Variants in CNTNAP4 observed in about 807,000 individuals in gnomAD.
The protein encoded by CNTNAP4 is contactin-associated protein-like 4.
CNTNAP4 carries 98 observed loss-of-function variants against 148.4 expected under a neutral mutation model. That is an observed-to-expected ratio of 0.66 (90% CI 0.56 to 0.78). CNTNAP4 has a LOEUF of 0.78. CNTNAP4 is among the 30% of genes least tolerant of loss of function. The probability of loss-of-function intolerance (pLI) is 0.00; values close to 1 mark genes in which losing one functional copy is unlikely to be tolerated. For missense variants in CNTNAP4, 1,935 were observed against 1,565.6 expected (o/e 1.24, Z -3.98); for synonymous variants, 730 against 565.1 (o/e 1.29, Z -4.14).
chr16:76,518,834 C>G (rs979768569), intron 15 of CNTNAP4, among the ~76,000 whole-genome samples: 9 of 152,158 alleles, frequency 5.9e-5, no homozygotes, highest in Non-Finnish European at 1.2e-4. Flanking sequence ...TGCCCAATCT[C>G]TCTTCCTCTT....
chr16:76,460,773 A>AATATATATATATATATATAT (rs150425968), intron 8 of CNTNAP4, among the ~76,000 whole-genome samples: 38 of 57,264 alleles, frequency 6.6e-4, no homozygotes, highest in South Asian at 1.2e-3. Context: ...AAAAAAAAAA[A>AATATATATATATATATATAT]ATATATATAT....
At position 76,342,024 on chromosome 16, in the gene CNTNAP4, G is replaced by A. The variant is rs184545024; in HGVS notation, c.197-13294G>A. Among the ~76,000 whole-genome samples the A allele has an allele frequency of 7.1e-4, 108 of 152,258 alleles. 2 individuals carry two copies. In the East Asian group the frequency reaches 0.019, roughly 26 times the overall value. On this transcript the variant is annotated intron_variant, in intron 2 of 23. Coordinates refer to ENST00000611870, the MANE Select transcript of CNTNAP4 (RefSeq NM_033401.5). ...GTTTTCTCTCAGTTCATTTATTGACGTAGAAGGATATTCTACAGATGCAGT... is the reference window on the plus strand; with the variant it reads ...GTTTTCTCTCAGTTCATTTATTGACATAGAAGGATATTCTACAGATGCAGT...
chr16:76,339,710 C>A (rs76673702), intron 2 of CNTNAP4, among the ~76,000 whole-genome samples: 1 of 152,286 alleles, frequency 6.6e-6, no homozygotes, highest in East Asian at 1.9e-4. Context: ...AATTTATTTC[C>A]ATTTCTCTGA....
chr16:76,314,150 T>A (rs8063374), intron 1 of CNTNAP4, among the ~76,000 whole-genome samples: 1 of 152,178 alleles, frequency 6.6e-6, no homozygotes, highest in Non-Finnish European at 1.5e-5. Flanking sequence ...TATGTATGTA[T>A]ACACATTGAT....
At chr16:76,483,772 G>C (rs377153999) in intron 12 of CNTNAP4, among the ~76,000 whole-genome samples, 1 of 152,270 alleles carries the variant, frequency 6.6e-6, no homozygotes, top group East Asian at 1.9e-4. Context: ...AGCTCTAACG[G>C]GGTATGTGAA....
rs1302548613 is a variant in CNTNAP4 at position 76,501,881 on chromosome 16, T to TA, written c.2365+3190dup. ...GTCAGGAGATCGAGACCATCCCGGC[T>TA]AAACGGTGAAACCCCGTCTCTACTA... On this transcript the variant is annotated intron_variant, in intron 15 of 23. Coordinates refer to ENST00000611870, the MANE Select transcript of CNTNAP4 (RefSeq NM_033401.5). Among the ~76,000 whole-genome samples, 474 of 151,994 alleles carry TA rather than the reference T, an allele frequency of 3.1e-3. 2 individuals carry two copies. The highest frequency in any genetic ancestry group is 0.011 in the African/African-American group (455 of 41,394).
chr16:76,372,859 A>G (rs2014997246), intron 3 of CNTNAP4, among the ~76,000 whole-genome samples: 1 of 152,234 alleles, frequency 6.6e-6, no homozygotes, highest in Non-Finnish European at 1.5e-5. Context: ...TACTATGTAT[A>G]TTATCTTTAT....
chr16:76,522,683 TCTCC>T (rs879323717), intron 17 of CNTNAP4, among the ~76,000 whole-genome samples: 1,450 of 93,392 alleles, frequency 0.016, 146 homozygotes, highest in Middle Eastern at 0.036. Flanking sequence ...TCTCTCTTTC[TCTCC>T]TTTCTTTTCT....
chr16:76,357,395 A>G (rs4528602), intron 3 of CNTNAP4, among the ~76,000 whole-genome samples: 23,916 of 152,212 alleles, frequency 0.16, 2,456 homozygotes, highest in East Asian at 0.48. Context: ...AGGCACTGCC[A>G]TTTACCTTAC....
chr16:76,280,875 C>A (rs1472357844), intron 1 of CNTNAP4, among the ~76,000 whole-genome samples: 28 of 152,024 alleles, frequency 1.8e-4, no homozygotes. Context: ...CAACTTACCC[C>A]AAAAGAAGGA....
At chr16:76,427,687 C>A in intron 4 of CNTNAP4, 88 bp downstream of exon 4, 1 of 1,294,918 alleles carries the variant, frequency 7.7e-7, no homozygotes, top group Non-Finnish European at 1.0e-6. Flanking sequence ...GACTTTTTAG[C>A]TACATAAAGA....
At chr16:76,297,779 A>G (rs914930728) in intron 1 of CNTNAP4, among the ~76,000 whole-genome samples, 1 of 152,170 alleles carries the variant, frequency 6.6e-6, no homozygotes, top group African/African-American at 2.4e-5. Context: ...ACTTCAGATA[A>G]CTTGCTCTCT....
At chr16:76,488,765 ATATAG>A (rs2082112386) in intron 12 of CNTNAP4, among the ~76,000 whole-genome samples, 1 of 152,190 alleles carries the variant, frequency 6.6e-6, no homozygotes, top group Non-Finnish European at 1.5e-5. Context: ...ATCACAGAAA[ATATAG>A]TATAAAGTCT....
At chr16:76,300,731 T>G (rs1959871346) in intron 1 of CNTNAP4, among the ~76,000 whole-genome samples, 3 of 152,112 alleles carry the variant, frequency 2.0e-5, no homozygotes, top group African/African-American at 7.2e-5. Flanking sequence ...CATGTAACTA[T>G]AATTAACATT....
At chr16:76,357,560 T>C (rs1289035299) in intron 3 of CNTNAP4, among the ~76,000 whole-genome samples, 4 of 152,242 alleles carry the variant, frequency 2.6e-5, no homozygotes, top group African/African-American at 9.6e-5. Flanking sequence ...TTTGTTGATT[T>C]ACTCAGTGTC....
rs1262690331 is a variant in CNTNAP4, at chr16:76,311,538, AT to A, written c.86-4869del. On this transcript the variant is annotated intron_variant, in intron 1 of 23. Transcript: ENST00000611870. Reference sequence around the variant, plus strand: ...TTGTAGATGTAACTAGTATATATACATTTTTTAATGAAAAGACTAAAGCTAT... The same window carrying A: ...TTGTAGATGTAACTAGTATATATACATTTTTAATGAAAAGACTAAAGCTAT... 7.9e-5 allele frequency among the ~76,000 whole-genome samples: 12 copies of A among 152,340 alleles called. No individual in the cohort carries two copies. In the East Asian group the frequency reaches 2.3e-3, roughly 29 times the overall value.
rs1407562449 is a variant in CNTNAP4 at position 76,452,618 on chromosome 16, C to T, written c.1182C>T (p.Ala394=). The part of the protein sequence containing the change: ...PDFSGEEEVS[A]TFQFRTWNKA... ...TCTCTGGAGAGGAGGAGGTTTCTGC[C>T]ACTTTTCAATTTCGAACTTGGAATA... is the stretch of plus-strand genomic sequence containing the variant. The change falls in exon 8 of 24, where the codon GCC becomes GCT. Residue 394 remains alanine (A), a synonymous_variant. Transcript: ENST00000611870. The T allele has an allele frequency of 6.2e-7, 1 of 1,613,924 alleles. No homozygotes were observed. Among genetic ancestry groups the T allele is most frequent in the South Asian group, 1.1e-5 (1 of 91,066 alleles).
chr16:76,325,641 C>G (rs1567711396), intron 2 of CNTNAP4, among the ~76,000 whole-genome samples: 1 of 152,086 alleles, frequency 6.6e-6, no homozygotes, highest in Non-Finnish European at 1.5e-5. Context: ...GACCATAATT[C>G]ATGGCCTTAA....
chr16:76,385,981 T>G (rs1468889292), intron 3 of CNTNAP4, among the ~76,000 whole-genome samples: 1 of 151,774 alleles, frequency 6.6e-6, no homozygotes, highest in Non-Finnish European at 1.5e-5. Context: ...AATGAATAGA[T>G]AATGAAAAAA....
Sources: allele counts gnomAD v4.1 joint callset (sites outside exome capture counted in the v4.1 genomes callset), GRCh38; gene constraint gnomAD v4.1.1; transcripts MANE v1.5; gene names NCBI Gene and HGNC (gene_info 2026-07-23, HGNC 2026-07-21).